The following MITF variants were observed in gnomAD, a reference collection of about 807,000 sequenced individuals.
MITF encodes the protein microphthalmia-associated transcription factor.
A neutral mutation model predicts 60.5 loss-of-function variants in MITF; 17 were observed. The observed-to-expected ratio is 0.28, with a 90% confidence interval of 0.19 to 0.42. The LOEUF (loss-of-function observed/expected upper bound fraction) is 0.42, where lower values mean the gene tolerates loss of function less well. Ranked by LOEUF, MITF falls within the 10% of genes least tolerant of loss-of-function variation. MITF has a pLI of 1.00. For missense variants in MITF, 622 were observed against 683.5 expected (o/e 0.91, Z 1.00); for synonymous variants, 260 against 248.5 (o/e 1.05, Z -0.43).
intron 4 of MITF, 128 bp from the exon 5 acceptor site, chr3:69,941,108 A>C (rs1295154133): frequency 9.3e-6 from 6 of 645,420 alleles, no homozygotes; most frequent in Non-Finnish European, 1.7e-5. Flanking sequence ...GAAAGAGGAC[A>C]GTTACTTCTT....
intron 1 of MITF, among the ~76,000 whole-genome samples, chr3:69,771,749 A>G (rs779973372): frequency 2.0e-5 from 3 of 152,208 alleles, no homozygotes; most frequent in Non-Finnish European, 4.4e-5. Flanking sequence ...ACCAGCATTC[A>G]GAACTTGAAT....
At chr3:69,955,246 C>T (rs906797532) in intron 7 of MITF, among the ~76,000 whole-genome samples, 3 of 151,960 alleles carry the variant, frequency 2.0e-5, no homozygotes, top group Non-Finnish European at 2.9e-5. Context: ...GTGTAAAATG[C>T]GCCCTGGATT....
chr3:69,781,764 A>AC (rs1458167049), intron 1 of MITF, among the ~76,000 whole-genome samples: 3 of 152,204 alleles, frequency 2.0e-5, no homozygotes, highest in Non-Finnish European at 2.9e-5. Flanking sequence ...CCACAGCAGC[A>AC]GGTGTTGGCA....
chr3:69,828,004 C>T (rs528344500), intron 1 of MITF, among the ~76,000 whole-genome samples: 3 of 152,202 alleles, frequency 2.0e-5, no homozygotes, highest in Non-Finnish European at 4.4e-5. Context: ...TTGACTTCTG[C>T]GTCTATACAA....
At chr3:69,924,916 G>T (rs1385678065) in intron 2 of MITF, among the ~76,000 whole-genome samples, 5 of 152,006 alleles carry the variant, frequency 3.3e-5, no homozygotes, top group Non-Finnish European at 7.4e-5. Context: ...ATCCATCTAT[G>T]ATATTTGAGT....
intron 1 of MITF, among the ~76,000 whole-genome samples, chr3:69,758,245 C>T (rs1360677395): frequency 1.3e-5 from 2 of 151,850 alleles, no homozygotes; most frequent in African/African-American, 2.4e-5. Context: ...TCATAGCTTC[C>T]TATAGCCTCA....
intron 4 of MITF, among the ~76,000 whole-genome samples, chr3:69,940,176 A>G (rs929033095): frequency 3.3e-5 from 5 of 152,186 alleles, no homozygotes; most frequent in South Asian, 4.1e-4. Flanking sequence ...TGACAAACTG[A>G]GGCTTTAAAA....
At chr3:69,762,501 G>T (rs1051539072) in intron 1 of MITF, among the ~76,000 whole-genome samples, 5 of 152,142 alleles carry the variant, frequency 3.3e-5, no homozygotes, top group African/African-American at 4.8e-5. Flanking sequence ...TATCGACAGG[G>T]ACTCCTGGGC....
At chr3:69,768,889 A>G (rs1297494614) in intron 1 of MITF, among the ~76,000 whole-genome samples, 6 of 152,206 alleles carry the variant, frequency 3.9e-5, no homozygotes, top group African/African-American at 1.2e-4. Flanking sequence ...ATTCAAATTT[A>G]TTAGGATGGT....
chr3:69,939,014 G>C, intron 3 of MITF, 84 bp from the exon 4 acceptor site: 2 of 1,566,294 alleles, frequency 1.3e-6, no homozygotes, highest in Non-Finnish European at 1.7e-6. Flanking sequence ...TCTTGTTGCT[G>C]TGCCATCAGC....
intron 1 of MITF, among the ~76,000 whole-genome samples, chr3:69,870,157 AC>A (rs1297062247): frequency 1.1e-4 from 17 of 150,060 alleles, no homozygotes; most frequent in African/African-American, 3.5e-4. Context: ...AATAAAAAAA[AC>A]AGGCAAAAAA....
chr3:69,903,024 A>G (rs986046737), intron 2 of MITF, among the ~76,000 whole-genome samples: 4 of 152,208 alleles, frequency 2.6e-5, no homozygotes, highest in South Asian at 2.1e-4. Context: ...GTTGTAAGCT[A>G]TGATCTCTGA....
chr3:69,764,317 T>C (rs1402908579), intron 1 of MITF, among the ~76,000 whole-genome samples: 1 of 152,224 alleles, frequency 6.6e-6, no homozygotes, highest in Non-Finnish European at 1.5e-5. Flanking sequence ...TCTGCAGTTG[T>C]CCTTCTGTCA....
intron 7 of MITF, among the ~76,000 whole-genome samples, chr3:69,955,608 G>C (rs1256239255): frequency 6.6e-6 from 1 of 151,982 alleles, no homozygotes; most frequent in African/African-American, 2.4e-5. Flanking sequence ...GAGGTCAGGA[G>C]CTCGAGACCA....
At chr3:69,855,722 A>G (rs1559676832) in intron 1 of MITF, among the ~76,000 whole-genome samples, 1 of 152,182 alleles carries the variant, frequency 6.6e-6, no homozygotes, top group Non-Finnish European at 1.5e-5. Flanking sequence ...CAACCAAAAC[A>G]AAAATGGACT....
At chr3:69,789,925 A>G (rs1451697530) in intron 1 of MITF, among the ~76,000 whole-genome samples, 1 of 152,140 alleles carries the variant, frequency 6.6e-6, no homozygotes, top group Non-Finnish European at 1.5e-5. Flanking sequence ...ATATATATAT[A>G]TATATCCAAA....
chr3:69,879,952 A>G (rs9833501), intron 2 of MITF, among the ~76,000 whole-genome samples: 3,736 of 152,276 alleles, frequency 0.025, 141 homozygotes, highest in African/African-American at 0.083. Flanking sequence ...GCTTGTTAGC[A>G]TCATTCGATT....
chr3:69,744,403 G>T (rs1284924970), intron 1 of MITF, among the ~76,000 whole-genome samples: 1 of 151,862 alleles, frequency 6.6e-6, no homozygotes, highest in Non-Finnish European at 1.5e-5. Context: ...GAAGAGCCTT[G>T]TTCTGCCATC....
intron 1 of MITF, among the ~76,000 whole-genome samples, chr3:69,836,392 AC>A (rs1031299669): frequency 9.9e-5 from 15 of 152,206 alleles, no homozygotes; most frequent in African/African-American, 3.4e-4. Context: ...ACATGTTTAT[AC>A]TGAAAAATTA....
Sources: allele counts gnomAD v4.1 joint callset (sites outside exome capture counted in the v4.1 genomes callset), GRCh38; gene constraint gnomAD v4.1.1; transcripts MANE v1.5; gene names NCBI Gene and HGNC (gene_info 2026-07-23, HGNC 2026-07-21).